VCP: variants seen among roughly 807,000 people sequenced by gnomAD.
VCP encodes the protein valosin containing protein.
Under a neutral mutation model 85.7 loss-of-function variants are expected in VCP, and 6 were observed. That is an observed-to-expected ratio of 0.07 (90% CI 0.04 to 0.14). VCP has a LOEUF of 0.14. Ranked by LOEUF, VCP falls within the 10% of genes least tolerant of loss-of-function variation. The pLI is 1.00. For missense variants in VCP, 353 were observed against 1,043.4 expected (o/e 0.34, Z 9.12); for synonymous variants, 384 against 367.1 (o/e 1.05, Z -0.53).
rs200670526 is a variant in VCP, at chr9:35,062,330, A to G, written c.832T>C (p.Leu278=). 5.3e-4 allele frequency: 853 copies of G among 1,614,024 alleles called. 1 individual carries two copies. Among genetic ancestry groups the G allele is most frequent in the Non-Finnish European group, 6.3e-4 (741 of 1,180,038 alleles). Residue 278 remains leucine (L), a synonymous_variant, in exon 8 of 17, where the codon TTG becomes CTG. Transcript: ENST00000358901. The part of the protein sequence containing the change: ...LINGPEIMSK[L]AGESESNLRK... The stretch of plus-strand genomic sequence containing the variant: ...AGGTTGCTCTCAGACTCACCAGCCA[A>G]TTTGCTCATGATCTCAGGACCTGAA...
At chr9:35,069,750 C>T (rs1359961300) in intron 1 of VCP, among the ~76,000 whole-genome samples, 2 of 152,166 alleles carry the variant, frequency 1.3e-5, no homozygotes, top group African/African-American at 2.4e-5. Context: ...CAGCACCCAG[C>T]GCTCTCTCTT....
Position 35,067,877 on chromosome 9 carries a change from A to C in VCP, c.302+14T>G. The C allele has an allele frequency of 6.2e-7, 1 of 1,614,158 alleles. No individual in the cohort carries two copies. Among genetic ancestry groups the C allele is most frequent in the Non-Finnish European group, 8.5e-7 (1 of 1,180,024 alleles). Reference sequence around the variant, plus strand: ...GGCCTCCCATCCCTGTGAAGCCAAAAACCCCACACACACCTGATGACATCC... The same window carrying C: ...GGCCTCCCATCCCTGTGAAGCCAAACACCCCACACACACCTGATGACATCC... On this transcript the variant is annotated intron_variant, in intron 3 of 16. Transcript: ENST00000358901.
chr9:35,057,707 C>A, intron 15 of VCP, 177 bp from the exon 16 acceptor site: 1 of 795,970 alleles, frequency 1.3e-6, no homozygotes, highest in Non-Finnish European at 2.1e-6. Flanking sequence ...CTTGTCAATG[C>A]ACTCTGGAAA....
intron 13 of VCP, chr9:35,060,009 A>C (rs1014185708): frequency 7.3e-6 from 5 of 684,650 alleles, no homozygotes; most frequent in Non-Finnish European, 1.2e-5. Flanking sequence ...ACGCATGCCT[A>C]TAGTCCCAGC....
Position 35,072,533 on chromosome 9 carries a change from A to C in VCP, c.-180T>G. 1 of 724,284 alleles carries C rather than the reference A, an allele frequency of 1.4e-6. No homozygotes were observed. The highest frequency in any genetic ancestry group is 2.0e-6 in the Non-Finnish European group (1 of 494,816). The allele number at this position is 724,284 out of a possible 1,614,324, so 44.9% of individuals were successfully genotyped here. On this transcript the variant is annotated 5_prime_UTR_variant, in exon 1 of 17. Transcript: ENST00000358901. Reference sequence around the variant, plus strand: ...CCGGCAGCGAGGCGTCGGGCGAACAACGCTGGCTCCTGATCCGCGAGGTGG... The same window carrying C: ...CCGGCAGCGAGGCGTCGGGCGAACACCGCTGGCTCCTGATCCGCGAGGTGG...
chr9:35,063,338 T>C (rs1444818566), intron 6 of VCP, among the ~76,000 whole-genome samples: 7 of 152,150 alleles, frequency 4.6e-5, no homozygotes, highest in Non-Finnish European at 1.0e-4. Context: ...GAAACTGTAG[T>C]CCAAATGCGT....
In VCP at chr9:35,062,049, T is replaced by C; in HGVS notation, c.1035A>G (p.Ala345=). The stretch of plus-strand genomic sequence containing the variant: ...CAATGCTGTTGGGTCTGTTGGTTGC[T>C]GCCATAACAATCACATGTGCCCTCT... ...LKQRAHVIVM[A]ATNRPNSIDP... is the part of the protein sequence containing the mutation. The change falls in exon 9 of 17, where the codon GCA becomes GCG. Residue 345 remains alanine (A), a synonymous_variant. Transcript: ENST00000358901. The C allele has an allele frequency of 1.9e-6, 3 of 1,614,178 alleles. No individual in the cohort carries two copies. The highest frequency in any genetic ancestry group is 2.5e-6 in the Non-Finnish European group (3 of 1,180,036).
chr9:35,062,154 G>A lies in VCP; in HGVS notation c.946-16C>T. 1 of 1,614,154 alleles carries A rather than the reference G, an allele frequency of 6.2e-7. No individual in the cohort carries two copies. Among genetic ancestry groups the A allele is most frequent in the Non-Finnish European group, 8.5e-7 (1 of 1,180,032 alleles). On this transcript the variant is annotated splice_polypyrimidine_tract_variant and intron_variant, in intron 8 of 16. Transcript: ENST00000358901. Reference sequence around the variant, plus strand: ...CGCCATGAGTCTGCCAGAACAGGATGTCTGGTCAGAAGTGAAGTCAGGGCC... The same window carrying A: ...CGCCATGAGTCTGCCAGAACAGGATATCTGGTCAGAAGTGAAGTCAGGGCC...
Position 35,062,205 on chromosome 9 carries a change from G to A in VCP, c.945+12C>T, listed in dbSNP as rs983424672. On this transcript the variant is annotated intron_variant, in intron 8 of 16. Coordinates refer to ENST00000358901, the MANE Select transcript of VCP (RefSeq NM_007126.5). ...TTTCAACCCCCCTCTATCCCCTCAG[G>A]TAAGCTCCTACTTTCTCTCTTTTGG... 1 of 1,613,950 alleles carries A rather than the reference G, an allele frequency of 6.2e-7. No homozygotes were observed. Among genetic ancestry groups the A allele is most frequent in the Non-Finnish European group, 8.5e-7 (1 of 1,180,032 alleles).
Position 35,059,040 on chromosome 9 carries a change from T to C in VCP, c.2160+24A>G, listed in dbSNP as rs1218220378. ...TGCCTGGCTCTCCATGATTGGCACA[T>C]CTGGGGAAAGGATGCAGACTCACCA... On this transcript the variant is annotated intron_variant, in intron 15 of 16. Coordinates refer to ENST00000358901, the MANE Select transcript of VCP (RefSeq NM_007126.5). The surrounding 1 kb of genome is among the most constrained non-coding windows in gnomAD (Gnocchi z 4.9). 1.2e-6 allele frequency: 2 copies of C among 1,613,252 alleles called. No homozygotes were observed. The highest frequency in any genetic ancestry group is 3.3e-5 in the Admixed American group (2 of 60,004).
intron 7 of VCP, 104 bp from the exon 8 acceptor site, chr9:35,062,454 G>A: frequency 6.4e-7 from 1 of 1,562,172 alleles, no homozygotes; most frequent in Non-Finnish European, 8.7e-7. Flanking sequence ...GGTCCTGGGT[G>A]AGAAGGTGGT....
intron 4 of VCP, among the ~76,000 whole-genome samples, chr9:35,066,077 G>A (rs1828823012): frequency 6.6e-6 from 1 of 151,528 alleles, no homozygotes; most frequent in Non-Finnish European, 1.5e-5. Context: ...AGTGAGCCGA[G>A]ATTGCACCAC....
At chr9:35,063,730 G>A (rs1828772557) in intron 6 of VCP, among the ~76,000 whole-genome samples, 1 of 152,216 alleles carries the variant, frequency 6.6e-6, no homozygotes, top group South Asian at 2.1e-4. Flanking sequence ...TAGACCAATA[G>A]TTCTCAAATG....
At chr9:35,069,502 G>A (rs1828899012) in intron 1 of VCP, among the ~76,000 whole-genome samples, 1 of 144,492 alleles carries the variant, frequency 6.9e-6, no homozygotes, top group South Asian at 2.2e-4. Flanking sequence ...GTCCAGGCTG[G>A]AATGCAATGC....
chr9:35,060,269 G>A, intron 13 of VCP, 44 bp downstream of exon 13: 4 of 1,600,188 alleles, frequency 2.5e-6, no homozygotes, highest in Non-Finnish European at 3.4e-6. Flanking sequence ...TCTATTCCTT[G>A]CCCTCAGGCA....
chr9:35,065,584 G>A (rs1057187133), intron 4 of VCP, among the ~76,000 whole-genome samples: 4 of 152,190 alleles, frequency 2.6e-5, no homozygotes, highest in Admixed American at 1.3e-4. Flanking sequence ...GAGTCCCTCT[G>A]ACAAGAGGTC....
chr9:35,061,189 A>G lies in VCP; in HGVS notation c.1195-10T>C. ...GAGTCTCATTGGCTACCTGCAGAGA[A>G]AGATCTACTTACTATGCTGCCTCAA... is the stretch of plus-strand genomic sequence containing the variant. On this transcript the variant is annotated splice_polypyrimidine_tract_variant and intron_variant, in intron 10 of 16. Transcript: ENST00000358901. 4 of 1,612,704 alleles carry G rather than the reference A, an allele frequency of 2.5e-6. No individual in the cohort carries two copies. The highest frequency in any genetic ancestry group is 3.4e-6 in the Non-Finnish European group (4 of 1,180,006).
chr9:35,062,809 T>C (rs1230170742), intron 7 of VCP, among the ~76,000 whole-genome samples, 169 bp downstream of exon 7: 2 of 152,110 alleles, frequency 1.3e-5, no homozygotes, highest in Non-Finnish European at 2.9e-5. Context: ...CAATGTAAAA[T>C]ATCTTCCCTT....
chr9:35,056,673 A>G lies in VCP; in HGVS notation c.*444T>C, dbSNP rs1336915059. On this transcript the variant is annotated 3_prime_UTR_variant, in exon 17 of 17. Transcript: ENST00000358901. ...ACTCAAAAGCATGTAAAATAAATCA[A>G]CCTACTCTCTATATAAACATCCAGC... The G allele has an allele frequency of 9.3e-6, 2 of 215,210 alleles. No homozygotes were observed. The highest frequency in any genetic ancestry group is 1.0e-4 in the Admixed American group (2 of 19,286). 13.3% of individuals were successfully genotyped at this position (215,210 alleles called of 1,614,324 possible). A position where few individuals can be genotyped will look rare whatever the true frequency, so the allele number is the denominator to read the frequency against.
Sources: gnomAD v4.1 joint callset for allele counts (sites outside exome capture counted in the v4.1 genomes callset) on GRCh38, gnomAD v4.1.1 for gene constraint, Gnocchi (gnomAD v3.1) non-coding constraint, MANE v1.5 for transcripts, NCBI Gene and HGNC (gene_info 2026-07-23, HGNC 2026-07-21) for gene names.